The following GLYATL3 variants were observed in gnomAD, a reference collection of about 807,000 sequenced individuals.
GLYATL3 encodes the protein glycine N-acyltransferase-like protein 3.
GLYATL3 carries 31 observed loss-of-function variants against 28.5 expected under a neutral mutation model. The ratio of observed to expected loss-of-function variants is 1.09; its 90% CI spans 0.82 to 1.47. The LOEUF (loss-of-function observed/expected upper bound fraction) is 1.47, where lower values mean the gene tolerates loss of function less well. Ranked by LOEUF, GLYATL3 falls within the 40% of genes most tolerant of loss-of-function variation. GLYATL3 has a pLI of 0.00. For synonymous variants in GLYATL3, 141 were observed against 140.2 expected (o/e 1.01, Z -0.04); for missense variants, 369 against 351.5 (o/e 1.05, Z -0.40).
intron 2 of GLYATL3, among the ~76,000 whole-genome samples, chr6:49,515,243 AAAG>A (rs1248959055): frequency 5.3e-5 from 8 of 152,180 alleles, no homozygotes; most frequent in Non-Finnish European, 1.0e-4. Context: ...CTGGGCTTGA[AAAG>A]AAGCTGAGCA....
chr6:49,519,454 T>C (rs1417449825), intron 4 of GLYATL3, among the ~76,000 whole-genome samples: 2 of 152,190 alleles, frequency 1.3e-5, no homozygotes, highest in African/African-American at 4.8e-5. Flanking sequence ...CAGACTTCTG[T>C]GGTAATAGCT....
intron 4 of GLYATL3, among the ~76,000 whole-genome samples, chr6:49,519,418 C>T (rs912195518): frequency 1.3e-5 from 2 of 152,158 alleles, no homozygotes; most frequent in Non-Finnish European, 2.9e-5. Flanking sequence ...ACATTACCTT[C>T]GGCTTCTCCT....
intron 1 of GLYATL3, among the ~76,000 whole-genome samples, chr6:49,509,998 CTTT>C (rs1769089098): frequency 1.7e-5 from 2 of 114,346 alleles, no homozygotes; most frequent in Non-Finnish European, 3.8e-5. Context: ...TTCTTTCTTT[CTTT>C]CTCTTTCTTT....
Position 49,521,785 on chromosome 6 carries a change from G to A in GLYATL3, c.440+14G>A. 3.2e-6 allele frequency: 5 copies of A among 1,549,954 alleles called. No individual in the cohort carries two copies. The highest frequency in any genetic ancestry group is 4.4e-6 in the Non-Finnish European group (5 of 1,146,158). ...TACCAGTTTCCTGTATGTAAACCAA[G>A]TTTTTGCATTTGGGGCAGGACTTAC... On this transcript the variant is annotated intron_variant, in intron 5 of 5. Coordinates refer to ENST00000371197, the MANE Select transcript of GLYATL3 (RefSeq NM_001010904.2).
intron 4 of GLYATL3, among the ~76,000 whole-genome samples, chr6:49,519,716 C>T (rs924631129): frequency 6.6e-6 from 1 of 152,180 alleles, no homozygotes; most frequent in African/African-American, 2.4e-5. Context: ...AGAGGAATGA[C>T]ATATCCTGCA....
At chr6:49,503,785 T>C (rs1270027299) in intron 1 of GLYATL3, among the ~76,000 whole-genome samples, 4 of 152,330 alleles carry the variant, frequency 2.6e-5, no homozygotes, top group Non-Finnish European at 5.9e-5. Context: ...ATGAGATCCC[T>C]GATACCAAGT....
intron 1 of GLYATL3, among the ~76,000 whole-genome samples, chr6:49,509,403 G>A (rs1263293370): frequency 6.6e-6 from 1 of 152,208 alleles, no homozygotes; most frequent in African/African-American, 2.4e-5. Flanking sequence ...TGTAACTCAT[G>A]TCCAAACGAA....
At chr6:49,525,259 C>G (rs974301837) in intron 5 of GLYATL3, among the ~76,000 whole-genome samples, 1 of 151,372 alleles carries the variant, frequency 6.6e-6, no homozygotes, top group African/African-American at 2.4e-5. Context: ...AAACTTTAGA[C>G]AGATTAAATT....
chr6:49,508,076 C>T (rs191943036), intron 1 of GLYATL3, among the ~76,000 whole-genome samples: 13 of 152,058 alleles, frequency 8.5e-5, no homozygotes, highest in African/African-American at 3.1e-4. Flanking sequence ...GCGGGTGGAT[C>T]GCAAGGTCAG....
At chr6:49,513,561 T>G (rs1769159559) in intron 2 of GLYATL3, among the ~76,000 whole-genome samples, 1 of 152,218 alleles carries the variant, frequency 6.6e-6, no homozygotes, top group African/African-American at 2.4e-5. Flanking sequence ...TGAAACTTAT[T>G]AATAAACATT....
rs1315999311 is a variant in GLYATL3, at chr6:49,526,482, G to T, written c.441-6G>T. 1 of 1,549,636 alleles carries T rather than the reference G, an allele frequency of 6.5e-7. No homozygotes were observed. Among genetic ancestry groups the T allele is most frequent in the Admixed American group, 2.0e-5 (1 of 50,908 alleles). On this transcript the variant is annotated splice_region_variant and splice_polypyrimidine_tract_variant and intron_variant, in intron 5 of 5. Coordinates refer to ENST00000371197, the MANE Select transcript of GLYATL3 (RefSeq NM_001010904.2). ...TCCTATTTGTTTTTGTGTCATTCTGGTCTAGCAAGGGGCCTTCCCCACGAC... is the reference window on the plus strand; with the variant it reads ...TCCTATTTGTTTTTGTGTCATTCTGTTCTAGCAAGGGGCCTTCCCCACGAC...
chr6:49,522,074 C>A (rs1769326289), intron 5 of GLYATL3, among the ~76,000 whole-genome samples: 1 of 152,122 alleles, frequency 6.6e-6, no homozygotes, highest in Admixed American at 6.5e-5. Context: ...GTGTCCTTAT[C>A]CCTCAAATAA....
chr6:49,509,436 C>T (rs1032020938), intron 1 of GLYATL3, among the ~76,000 whole-genome samples: 1 of 152,154 alleles, frequency 6.6e-6, no homozygotes, highest in Non-Finnish European at 1.5e-5. Context: ...CGTGTATTTC[C>T]TCCATTATTC....
At chr6:49,523,625 C>T (rs1259495820) in intron 5 of GLYATL3, among the ~76,000 whole-genome samples, 1 of 152,192 alleles carries the variant, frequency 6.6e-6, no homozygotes, top group Non-Finnish European at 1.5e-5. Context: ...TGGCCTCAAG[C>T]CTTCTATGTT....
intron 1 of GLYATL3, among the ~76,000 whole-genome samples, chr6:49,505,913 G>A (rs1422326278): frequency 6.6e-6 from 1 of 152,200 alleles, no homozygotes; most frequent in Non-Finnish European, 1.5e-5. Context: ...GGGTCAATAC[G>A]AGAGACTTGT....
intron 2 of GLYATL3, among the ~76,000 whole-genome samples, chr6:49,513,018 C>T (rs1481327863): frequency 6.6e-6 from 1 of 152,066 alleles, no homozygotes; most frequent in Non-Finnish European, 1.5e-5. Context: ...TTCCCAAGAT[C>T]AATGCTGACA....
intron 5 of GLYATL3, among the ~76,000 whole-genome samples, chr6:49,524,019 A>G (rs915383502): frequency 2.0e-5 from 3 of 149,700 alleles, no homozygotes; most frequent in African/African-American, 7.4e-5. Context: ...TTTTTTCTTA[A>G]CTTCCCACAC....
At chr6:49,508,811 C>T (rs939726899) in intron 1 of GLYATL3, among the ~76,000 whole-genome samples, 2 of 152,068 alleles carry the variant, frequency 1.3e-5, no homozygotes, top group Middle Eastern at 3.4e-3. Context: ...ATCTTTTGTT[C>T]CATAGCAATA....
chr6:49,527,169 G>T lies in GLYATL3; in HGVS notation c.*255G>T. On this transcript the variant is annotated 3_prime_UTR_variant, in exon 6 of 6. Transcript: ENST00000371197. ...TTGTCCTCCTGTAGGATCCACTGTA[G>T]GAGAATAGGTTCTAAAGCCAGCAGT... 1 of 429,570 alleles carries T rather than the reference G, an allele frequency of 2.3e-6. No individual in the cohort carries two copies. The highest frequency in any genetic ancestry group is 4.1e-6 in the Non-Finnish European group (1 of 241,882). 26.6% of individuals were successfully genotyped at this position (429,570 alleles called of 1,614,324 possible).
Sources: allele counts gnomAD v4.1 joint callset (sites outside exome capture counted in the v4.1 genomes callset), GRCh38; gene constraint gnomAD v4.1.1; transcripts MANE v1.5; gene names NCBI Gene and HGNC (gene_info 2026-07-23, HGNC 2026-07-21).